AGBL4: variants seen among roughly 807,000 people sequenced by gnomAD.
AGBL4 encodes AGBL carboxypeptidase 4.
Under a neutral mutation model 66.4 loss-of-function variants are expected in AGBL4, and 58 were observed. The ratio of observed to expected loss-of-function variants is 0.87; its 90% confidence interval spans 0.71 to 1.09. AGBL4 has a LOEUF of 1.09. AGBL4 is among the 50% of genes least tolerant of loss of function. AGBL4 has a pLI of 0.00. For missense variants in AGBL4, 579 were observed against 631.0 expected (o/e 0.92, Z 0.88); for synonymous variants, 234 against 222.9 (o/e 1.05, Z -0.44).
At chr1:48,956,760 A>C (rs1657483414) in intron 5 of AGBL4, among the ~76,000 whole-genome samples, 1 of 152,188 alleles carries the variant, frequency 6.6e-6, no homozygotes, top group African/African-American at 2.4e-5. Context: ...GAACTTGCTG[A>C]CTAGAATAGC....
chr1:48,822,207 T>C (rs1646331363), intron 6 of AGBL4, among the ~76,000 whole-genome samples: 1 of 152,174 alleles, frequency 6.6e-6, no homozygotes, highest in Non-Finnish European at 1.5e-5. Flanking sequence ...AATCAAAACA[T>C]ATATTCACAA....
intron 3 of AGBL4, among the ~76,000 whole-genome samples, chr1:49,360,137 T>C (rs1644107372): frequency 6.6e-6 from 1 of 152,218 alleles, no homozygotes; most frequent in African/African-American, 2.4e-5. Flanking sequence ...TGCTTTGGTC[T>C]GAAATAATCA....
chr1:48,632,650 A>G (rs1323017727), intron 9 of AGBL4, among the ~76,000 whole-genome samples: 1 of 152,152 alleles, frequency 6.6e-6, no homozygotes, highest in Non-Finnish European at 1.5e-5. Flanking sequence ...ATTGTTTTGT[A>G]TCTATAAACC....
intron 5 of AGBL4, among the ~76,000 whole-genome samples, chr1:48,956,539 G>A (rs1171217588): frequency 2.0e-5 from 3 of 152,152 alleles, no homozygotes; most frequent in African/African-American, 7.2e-5. Context: ...ACAGAAAAGT[G>A]GAAGAGAGAC....
At chr1:49,095,443 G>A (rs566201923) in intron 4 of AGBL4, among the ~76,000 whole-genome samples, 2 of 152,120 alleles carry the variant, frequency 1.3e-5, no homozygotes, top group Non-Finnish European at 2.9e-5. Flanking sequence ...TATACTACAA[G>A]GCTACAGTAA....
intron 3 of AGBL4, among the ~76,000 whole-genome samples, chr1:49,303,230 C>T (rs1003172155): frequency 2.8e-4 from 43 of 152,094 alleles, no homozygotes; most frequent in African/African-American, 8.7e-4. Context: ...TTTGAGGAAT[C>T]GCCAAACTGT....
chr1:49,738,065 C>T (rs1241086559), intron 2 of AGBL4, among the ~76,000 whole-genome samples: 1 of 152,240 alleles, frequency 6.6e-6, no homozygotes, highest in African/African-American at 2.4e-5. Flanking sequence ...GTGTGCAGGA[C>T]AGTGGGTGCA....
chr1:49,922,251 T>C (rs1292430654), intron 1 of AGBL4, among the ~76,000 whole-genome samples: 1 of 152,150 alleles, frequency 6.6e-6, no homozygotes, highest in Non-Finnish European at 1.5e-5. Context: ...AGTTTGCCAA[T>C]ATTTTGTCGA....
At chr1:48,922,872 T>C (rs1048641533) in intron 5 of AGBL4, among the ~76,000 whole-genome samples, 3 of 151,740 alleles carry the variant, frequency 2.0e-5, no homozygotes, top group African/African-American at 7.3e-5. Flanking sequence ...ATGCTCACAG[T>C]ATATTAAATG....
At chr1:49,880,902 G>A (rs560873057) in intron 1 of AGBL4, among the ~76,000 whole-genome samples, 10 of 152,162 alleles carry the variant, frequency 6.6e-5, no homozygotes, top group African/African-American at 1.7e-4. Flanking sequence ...CACAATATTC[G>A]GGTGGGAGTG....
intron 4 of AGBL4, among the ~76,000 whole-genome samples, chr1:49,199,075 T>C (rs1174718107): frequency 1.3e-5 from 2 of 152,212 alleles, no homozygotes; most frequent in Non-Finnish European, 2.9e-5. Flanking sequence ...ATTGTTAACA[T>C]TTATTAAGTG....
chr1:49,646,672 T>A (rs1049367831), intron 3 of AGBL4, among the ~76,000 whole-genome samples: 3 of 151,966 alleles, frequency 2.0e-5, no homozygotes, highest in Non-Finnish European at 1.5e-5. Flanking sequence ...TAGAAATATA[T>A]GAGCTGATTA....
intron 6 of AGBL4, among the ~76,000 whole-genome samples, chr1:48,797,299 T>C (rs1459064077): frequency 6.6e-6 from 1 of 152,230 alleles, no homozygotes; most frequent in Non-Finnish European, 1.5e-5. Flanking sequence ...TGGTGATTTC[T>C]GAGATTTTGG....
At chr1:48,557,181 T>C (rs1644333855) in intron 11 of AGBL4, among the ~76,000 whole-genome samples, 1 of 152,170 alleles carries the variant, frequency 6.6e-6, no homozygotes, top group Non-Finnish European at 1.5e-5. Flanking sequence ...TGTTTAACAG[T>C]GTCTGGCACA....
intron 6 of AGBL4, among the ~76,000 whole-genome samples, chr1:48,665,969 A>G (rs1028879770): frequency 3.3e-5 from 5 of 152,176 alleles, no homozygotes; most frequent in Admixed American, 6.5e-5. Context: ...TGGGCATTCT[A>G]TTTGCACACT....
chr1:49,327,456 T>G (rs1360709407), intron 3 of AGBL4, among the ~76,000 whole-genome samples: 1 of 152,192 alleles, frequency 6.6e-6, no homozygotes, highest in Non-Finnish European at 1.5e-5. Flanking sequence ...CTGGGTAATT[T>G]ATAAACAATA....
In AGBL4 at chr1:48,698,704, G is replaced by A. The variant is rs1005111852; in HGVS notation, c.635-35463C>T. ...GGCATGAAACTGAGCAGTGTCTCCT[G>A]GCCTCAAGTCCCACCTACTATGTGC... On this transcript the variant is annotated intron_variant, in intron 6 of 13. Coordinates refer to ENST00000371839, the MANE Select transcript of AGBL4 (RefSeq NM_032785.4). Among the ~76,000 whole-genome samples, 4 of 152,200 alleles carry A rather than the reference G, an allele frequency of 2.6e-5. No homozygotes were observed. The South Asian group carries it at 6.2e-4, about 24-fold the overall frequency.
intron 6 of AGBL4, among the ~76,000 whole-genome samples, chr1:48,805,360 A>G (rs1645899944): frequency 6.6e-6 from 1 of 152,180 alleles, no homozygotes; most frequent in African/African-American, 2.4e-5. Flanking sequence ...TGGCAGAACA[A>G]TGTGCTCTTG....
chr1:49,553,565 G>T (rs1002199655), intron 3 of AGBL4, among the ~76,000 whole-genome samples: 12 of 151,984 alleles, frequency 7.9e-5, no homozygotes, highest in Admixed American at 4.6e-4. Flanking sequence ...CACCCTCCAG[G>T]ACCTCACTGA....
Sources: gnomAD v4.1 joint callset for allele counts (sites outside exome capture counted in the v4.1 genomes callset) on GRCh38, gnomAD v4.1.1 for gene constraint, MANE v1.5 for transcripts, NCBI Gene and HGNC (gene_info 2026-07-23, HGNC 2026-07-21) for gene names.